The following CIMAP3 variants were observed in gnomAD, a reference collection of about 807,000 sequenced individuals.
CIMAP3 encodes ciliary microtubule associated protein 3.
At chr1:111,336,914 A>G in the CIMAP3 span, among the ~76,000 whole-genome samples, 1 of 151,686 alleles carries the variant, frequency 6.6e-6, no homozygotes. Context: ...CCAAAGTTGA[A>G]ATGACGGAAA....
At chr1:111,348,746 C>T in the CIMAP3 span, 1 of 1,191,876 alleles carries the variant, frequency 8.4e-7, no homozygotes, top group Non-Finnish European at 1.2e-6. Flanking sequence ...GACATCCAAA[C>T]CATCGCAGTT....
chr1:111,346,947 G>A, the CIMAP3 span: 1 of 1,613,956 alleles, frequency 6.2e-7, no homozygotes, highest in Admixed American at 1.7e-5. Flanking sequence ...CATGTCAACA[G>A]AGGAAACTTT....
At chr1:111,334,989 G>A in the CIMAP3 span, among the ~76,000 whole-genome samples, 111 of 152,030 alleles carry the variant, frequency 7.3e-4, 3 homozygotes, top group East Asian at 0.021. Flanking sequence ...TTAGCTGGGC[G>A]TGGTGGTGCA....
At chr1:111,339,842 T>C in the CIMAP3 span, among the ~76,000 whole-genome samples, 1 of 151,732 alleles carries the variant, frequency 6.6e-6, no homozygotes, top group African/African-American at 2.4e-5. Context: ...CTTTACAGAA[T>C]TGGAAAAAAC....
chr1:111,331,007 C>G, the CIMAP3 span, among the ~76,000 whole-genome samples: 6 of 152,316 alleles, frequency 3.9e-5, no homozygotes, highest in African/African-American at 1.4e-4. Flanking sequence ...AAACTCAAAG[C>G]ACTTTGAAAA....
At chr1:111,351,352 T>C in the CIMAP3 span, 8 of 1,525,954 alleles carry the variant, frequency 5.2e-6, no homozygotes, top group Non-Finnish European at 6.2e-6. Context: ...CTTCACGTGC[T>C]CCTCTTATAC....
At chr1:111,344,398 GCTGT>G in the CIMAP3 span, among the ~76,000 whole-genome samples, 1 of 152,102 alleles carries the variant, frequency 6.6e-6, no homozygotes, top group African/African-American at 2.4e-5. Flanking sequence ...GTTCTCAGAG[GCTGT>G]CTAACCAAAG....
At chr1:111,326,192 AC>A in the CIMAP3 span, among the ~76,000 whole-genome samples, 1 of 152,166 alleles carries the variant, frequency 6.6e-6, no homozygotes, top group African/African-American at 2.4e-5. Flanking sequence ...TTTGAAATAT[AC>A]AATTTGCTAT....
chr1:111,348,733 G>C, the CIMAP3 span: 9 of 1,316,736 alleles, frequency 6.8e-6, no homozygotes, highest in Non-Finnish European at 8.2e-6. Flanking sequence ...ATAAAGAAGG[G>C]ATGACATCCA....
At chr1:111,324,804 C>G in the CIMAP3 span, 2 of 985,040 alleles carry the variant, frequency 2.0e-6, no homozygotes, top group Non-Finnish European at 2.4e-6. Flanking sequence ...CCAGAAGGTC[C>G]ATGCTATCTT....
chr1:111,348,746 C>A, the CIMAP3 span: 14 of 1,191,874 alleles, frequency 1.2e-5, no homozygotes, highest in South Asian at 2.2e-4. Context: ...GACATCCAAA[C>A]CATCGCAGTT....
the CIMAP3 span, among the ~76,000 whole-genome samples, chr1:111,338,554 C>T: frequency 6.6e-6 from 1 of 151,966 alleles, no homozygotes; most frequent in Non-Finnish European, 1.5e-5. Flanking sequence ...TACAAACTAC[C>T]ATCAGAGATT....
At chr1:111,346,669 C>T in the CIMAP3 span, 17 of 1,613,906 alleles carry the variant, frequency 1.1e-5, no homozygotes, top group Non-Finnish European at 1.4e-5. Context: ...TTCAGCAGAG[C>T]AGGTGAGGAG....
chr1:111,346,441 C>A, the CIMAP3 span: 1 of 603,924 alleles, frequency 1.7e-6, no homozygotes, highest in East Asian at 3.0e-5. Flanking sequence ...AACCCTCTAC[C>A]CGCAGCCCAG....
the CIMAP3 span, chr1:111,347,877 A>C: frequency 1.3e-6 from 1 of 783,220 alleles, no homozygotes; most frequent in Non-Finnish European, 2.1e-6. Context: ...ATATGCCCTG[A>C]AATTAAAGAA....
the CIMAP3 span, among the ~76,000 whole-genome samples, chr1:111,326,004 T>G: frequency 1.3e-5 from 2 of 152,164 alleles, no homozygotes; most frequent in South Asian, 4.1e-4. Flanking sequence ...AGGAAGAGAG[T>G]GTAAACATGC....
At chr1:111,343,242 T>C in the CIMAP3 span, among the ~76,000 whole-genome samples, 1 of 152,246 alleles carries the variant, frequency 6.6e-6, no homozygotes, top group Non-Finnish European at 1.5e-5. Flanking sequence ...AATTCAATAA[T>C]TTTAAAATGA....
At chr1:111,347,728 A>T in the CIMAP3 span, 2 of 1,613,144 alleles carry the variant, frequency 1.2e-6, no homozygotes, top group Admixed American at 3.3e-5. Flanking sequence ...AAAAGGATAT[A>T]CTTTGGGAGC....
At chr1:111,347,617 T>C in the CIMAP3 span, 4 of 1,112,394 alleles carry the variant, frequency 3.6e-6, no homozygotes, top group South Asian at 2.9e-5. Context: ...CGTTGTTTTT[T>C]CTTTCTTTTT....
Sources: gnomAD v4.1 joint callset for allele counts (sites outside exome capture counted in the v4.1 genomes callset) on GRCh38, gnomAD v4.1.1 for gene constraint, MANE v1.5 for transcripts, NCBI Gene and HGNC (gene_info 2026-07-23, HGNC 2026-07-21) for gene names.